ARRB2: variants seen among roughly 807,000 people sequenced by gnomAD.
ARRB2 encodes beta-arrestin-2.
Under a neutral mutation model 53.4 loss-of-function variants are expected in ARRB2, and 21 were observed. The observed-to-expected ratio is 0.39, with a 90% CI of 0.28 to 0.57. The LOEUF (loss-of-function observed/expected upper bound fraction) is 0.57. ARRB2 is among the 20% of genes least tolerant of loss of function. The pLI is 0.55. For synonymous variants in ARRB2, 180 were observed against 212.9 expected, an observed-to-expected ratio of 0.85 and a Z score of 1.34; for missense variants, 369 against 527.5, an observed-to-expected ratio of 0.70 and a Z score of 2.94.
chr17:4,716,547 C>T lies in ARRB2; in HGVS notation c.296C>T (p.Thr99Ile), dbSNP rs1384814764. ...GTGCCCAACCCACCCCGGCCCCCCACCCGCCTGCAGGACCGGCTGCTGAGG... is the reference window on the plus strand; with the variant it reads ...GTGCCCAACCCACCCCGGCCCCCCATCCGCCTGCAGGACCGGCTGCTGAGG... ...PPVPNPPRPP[T>I]RLQDRLLRKL... is the part of the protein sequence containing the mutation. Residue 99 changes from threonine to isoleucine, a missense_variant, in exon 5 of 15, where the codon ACC becomes ATC. By Grantham distance (89) the Thr-to-Ile change is moderately conservative. Coordinates refer to ENST00000269260, the MANE Select transcript of ARRB2 (RefSeq NM_004313.4). 2.5e-6 allele frequency: 4 copies of T among 1,594,774 alleles called. No individual in the cohort carries two copies. The highest frequency in any genetic ancestry group is 1.7e-5 in the Admixed American group (1 of 58,288).
At chr17:4,712,542 G>C (rs889180295) in intron 1 of ARRB2, among the ~76,000 whole-genome samples, 1 of 152,254 alleles carries the variant, frequency 6.6e-6, no homozygotes, top group Non-Finnish European at 1.5e-5. Context: ...ACTTGGAAGA[G>C]GGATGGGCTA....
intron 9 of ARRB2, 89 bp from the exon 10 acceptor site, chr17:4,718,523 T>A: frequency 1.4e-6 from 2 of 1,395,710 alleles, no homozygotes; most frequent in East Asian, 4.6e-5. Context: ...GTGGGGAGCA[T>A]GGGGGGGCCA....
intron 14 of ARRB2, 92 bp downstream of exon 14, chr17:4,720,732 G>T: frequency 8.1e-7 from 1 of 1,236,388 alleles, no homozygotes; most frequent in Non-Finnish European, 1.1e-6. Flanking sequence ...GCTTTTGGTG[G>T]GGAGAAGCGG....
chr17:4,715,689 C>T, intron 2 of ARRB2: 2 of 203,442 alleles, frequency 9.8e-6, no homozygotes, highest in Non-Finnish European at 1.7e-5. Context: ...GACTGGTTGG[C>T]TGAGGACACA....
rs764855635 is a variant in ARRB2 at position 4,719,368 on chromosome 17, G to A, written c.865G>A (p.Ala289Thr). ...CGACAACCGGGAGAAGCGGGGTCTC[G>A]CCCTGGATGGGAAACTCAAGCACGA... is the stretch of plus-strand genomic sequence containing the variant. ...LSDNREKRGLALDGKLKHEDT... is the reference protein window; with the variant it reads ...LSDNREKRGLTLDGKLKHEDT... Residue 289 changes from alanine (A) to threonine (T), a missense_variant, in exon 11 of 15, where the codon GCC (alanine) becomes ACC (threonine). Transcript: ENST00000269260. 12 of 1,614,016 alleles carry A rather than the reference G, an allele frequency of 7.4e-6. No individual in the cohort carries two copies. Among genetic ancestry groups the A allele is most frequent in the East Asian group, 2.2e-5 (1 of 44,882 alleles).
chr17:4,712,480 C>A (rs1383878517), intron 1 of ARRB2, among the ~76,000 whole-genome samples: 1 of 152,206 alleles, frequency 6.6e-6, no homozygotes, highest in Admixed American at 6.5e-5. Flanking sequence ...TAGGTCTTAC[C>A]CAGACACTGT....
rs1307672569 is a variant in ARRB2 at position 4,717,870 on chromosome 17, C to T, written c.486-18C>T. ...GGTGTGTGAGGAATGACCCCTCCTG[C>T]CCCTACTCTGATCCCAGGAACTCTG... On this transcript the variant is annotated intron_variant, in intron 7 of 14. Transcript: ENST00000269260. The surrounding 1 kb of genome is among the most constrained non-coding windows in gnomAD (Gnocchi z 6.0). 1 of 1,613,462 alleles carries T rather than the reference C, an allele frequency of 6.2e-7. No homozygotes were observed. Among genetic ancestry groups the T allele is most frequent in the African/African-American group, 1.3e-5 (1 of 75,036 alleles).
intron 1 of ARRB2, among the ~76,000 whole-genome samples, chr17:4,712,559 A>C (rs1914518824): frequency 6.6e-6 from 1 of 152,236 alleles, no homozygotes; most frequent in African/African-American, 2.4e-5. Context: ...GCTAGTTGGC[A>C]GGATTTCACG....
Position 4,717,857 on chromosome 17 carries a change from A to C in ARRB2, c.486-31A>C. ...GGAGTAGGGTTGGGGTGTGTGAGGA[A>C]TGACCCCTCCTGCCCCTACTCTGAT... On this transcript the variant is annotated intron_variant, in intron 7 of 14. Coordinates refer to ENST00000269260, the MANE Select transcript of ARRB2 (RefSeq NM_004313.4). The surrounding 1 kb of genome is among the most constrained non-coding windows in gnomAD (Gnocchi z 6.0). The C allele has an allele frequency of 6.2e-7, 1 of 1,613,334 alleles. No homozygotes were observed. The highest frequency in any genetic ancestry group is 2.2e-5 in the East Asian group (1 of 44,846).
chr17:4,716,929 G>A, intron 5 of ARRB2: 1 of 594,252 alleles, frequency 1.7e-6, no homozygotes, highest in South Asian at 2.0e-5. Context: ...CCGCCTCCCA[G>A]GTTCAAGTGA....
intron 10 of ARRB2, 98 bp downstream of exon 10, chr17:4,718,782 CTTTTT>C: frequency 3.5e-6 from 3 of 867,706 alleles, no homozygotes; most frequent in Non-Finnish European, 4.9e-6. Context: ...CCATCTCCAC[CTTTTT>C]TTTTTTTTTT....
chr17:4,714,833 A>G (rs1340080417), intron 1 of ARRB2, 180 bp from the exon 2 acceptor site: 1 of 443,130 alleles, frequency 2.3e-6, no homozygotes, highest in Non-Finnish European at 4.1e-6. Context: ...CCACCACGTT[A>G]GAAATAGGAA....
intron 11 of ARRB2, 72 bp from the exon 12 acceptor site, chr17:4,720,144 C>G: frequency 6.7e-7 from 1 of 1,497,908 alleles, no homozygotes; most frequent in Non-Finnish European, 9.1e-7. Context: ...CCAGAGTCCC[C>G]GTGGGAACCC....
Position 4,721,076 on chromosome 17 carries a change from G to A in ARRB2, c.*37G>A, listed in dbSNP as rs1915650868. 1.3e-6 allele frequency: 2 copies of A among 1,586,914 alleles called. No homozygotes were observed. Among genetic ancestry groups the A allele is most frequent in the East Asian group, 2.2e-5 (1 of 44,688 alleles). ...GGAAGAAGGGAGGGGATGGGGTTGG[G>A]AGAGGTGAGGGCAGGATTAAGATCC... On this transcript the variant is annotated 3_prime_UTR_variant, in exon 15 of 15. Coordinates refer to ENST00000269260, the MANE Select transcript of ARRB2 (RefSeq NM_004313.4). This position sits in a 1 kb window ranked among gnomAD's most constrained non-coding sequence, Gnocchi z 4.2.
intron 1 of ARRB2, among the ~76,000 whole-genome samples, chr17:4,712,906 T>C (rs1024996103): frequency 1.8e-4 from 27 of 152,208 alleles, no homozygotes; most frequent in African/African-American, 6.5e-4. Flanking sequence ...ACTTGACCTC[T>C]CTCTGCCTCA....
chr17:4,712,223 G>A (rs1015551464), intron 1 of ARRB2, among the ~76,000 whole-genome samples: 2 of 152,276 alleles, frequency 1.3e-5, no homozygotes, highest in African/African-American at 2.4e-5. Context: ...TGGGATGAAA[G>A]ATAGGGTGTT....
chr17:4,720,102 C>T, intron 11 of ARRB2, 114 bp from the exon 12 acceptor site: 3 of 1,073,612 alleles, frequency 2.8e-6, no homozygotes, highest in South Asian at 2.8e-5. Flanking sequence ...GCTGCTGGGG[C>T]CCTGGGGGCC....
rs376922116 is a variant in ARRB2, at chr17:4,717,899, G to A, written c.497G>A (p.Arg166Gln). Reference protein sequence around the residue: ...EEKSHKRNSVRLVIRKVQFAP... With the variant: ...EEKSHKRNSVQLVIRKVQFAP... ...TACTCTGATCCCAGGAACTCTGTGC[G>A]GCTGGTGATCCGAAAGGTGCAGTTC... Residue 166 changes from arginine to glutamine, a missense_variant, in exon 8 of 15, where the codon CGG (arginine) becomes CAG (glutamine). Coordinates refer to ENST00000269260, the MANE Select transcript of ARRB2 (RefSeq NM_004313.4). This position sits in a 1 kb window ranked among gnomAD's most constrained non-coding sequence, Gnocchi z 6.0. The A allele has an allele frequency of 1.7e-5, 28 of 1,613,908 alleles. No individual in the cohort carries two copies. The highest frequency in any genetic ancestry group is 4.5e-5 in the East Asian group (2 of 44,870).
Position 4,715,021 on chromosome 17 carries a change from A to G in ARRB2, c.32A>G (p.Lys11Arg). 1 of 1,604,464 alleles carries G rather than the reference A, an allele frequency of 6.2e-7. No homozygotes were observed. The highest frequency in any genetic ancestry group is 1.1e-5 in the South Asian group (1 of 89,142). MGEKPGTRVF[K>R]KSSPNCKLTV... ...CCTTTCTGTTTTGTTAGGGTCTTCA[A>G]GAAGTCGAGCCCTAACTGCAAGGTG... The change falls in exon 2 of 15, where the codon AAG (lysine) becomes AGG (arginine). Residue 11 changes from lysine to arginine, a missense_variant. Coordinates refer to ENST00000269260, the MANE Select transcript of ARRB2 (RefSeq NM_004313.4).
Sources: allele counts gnomAD v4.1 joint callset (sites outside exome capture counted in the v4.1 genomes callset), GRCh38; gene constraint gnomAD v4.1.1; non-coding constraint Gnocchi (gnomAD v3.1); transcripts MANE v1.5; gene names NCBI Gene and HGNC (gene_info 2026-07-23, HGNC 2026-07-21).